The following LRIF1 variants were observed in gnomAD, a reference collection of about 807,000 sequenced individuals.
The protein encoded by LRIF1 is ligand dependent nuclear receptor interacting factor 1.
A neutral mutation model predicts 52.7 loss-of-function variants in LRIF1; 32 were observed. That is an observed-to-expected ratio of 0.61 (90% CI 0.46 to 0.82). The LOEUF is 0.82. Among genes scored for constraint, LRIF1 ranks in the 40% least tolerant of loss-of-function variants. The pLI is 0.00. For synonymous variants in LRIF1, 323 were observed against 317.4 expected, an observed-to-expected ratio of 1.02 and a Z score of -0.19; for missense variants, 887 against 892.0, an observed-to-expected ratio of 0.99 and a Z score of 0.07.
chr1:110,935,665 A>C, the LRIF1 span, among the ~76,000 whole-genome samples: 1 of 152,230 alleles, frequency 6.6e-6, no homozygotes, highest in African/African-American at 2.4e-5. Context: ...GAGATAAAAA[A>C]GAATAAAAAA....
chr1:110,888,173 T>C, the LRIF1 span, among the ~76,000 whole-genome samples: 2 of 152,196 alleles, frequency 1.3e-5, no homozygotes, highest in African/African-American at 4.8e-5. Flanking sequence ...ACAACCTGAA[T>C]GTATACTTCT....
intron 3 of LRIF1, 98 bp from the exon 4 acceptor site, chr1:110,948,497 T>A: frequency 6.9e-7 from 1 of 1,449,412 alleles, no homozygotes; most frequent in Non-Finnish European, 9.0e-7. Flanking sequence ...AACAAATATC[T>A]AGCTATTACA....
At chr1:110,905,362 G>A in the LRIF1 span, among the ~76,000 whole-genome samples, 5 of 151,596 alleles carry the variant, frequency 3.3e-5, no homozygotes, top group Non-Finnish European at 7.4e-5. Context: ...AAAGATCAAG[G>A]ACAAAGAAAG....
At chr1:110,893,311 T>C in the LRIF1 span, among the ~76,000 whole-genome samples, 3 of 152,196 alleles carry the variant, frequency 2.0e-5, no homozygotes, top group Non-Finnish European at 2.9e-5. Flanking sequence ...GGTTTTTTGT[T>C]TTGTTTTTTT....
rs1203130270 is a variant in LRIF1, at chr1:110,948,014, A to T, written c.2255T>A (p.Leu752Gln). 6.2e-7 allele frequency: 1 copy of T among 1,608,032 alleles called. No individual in the cohort carries two copies. The highest frequency in any genetic ancestry group is 1.3e-5 in the African/African-American group (1 of 74,342). ...DEKIRRLKQV[L>Q]REKEAALEEM... Reference sequence around the variant, plus strand: ...TTCAAGAGCTGCTTCTTTCTCTCTCAGCACCTGCTTAAGTCTTCTTATTTT... The same window carrying T: ...TTCAAGAGCTGCTTCTTTCTCTCTCTGCACCTGCTTAAGTCTTCTTATTTT... The change falls in exon 4 of 4, where the codon CTG becomes CAG. Residue 752 changes from leucine to glutamine, a missense_variant. By Grantham distance (113) the Leu-to-Gln change is moderately radical (BLOSUM62 -2). Coordinates refer to ENST00000369763, the MANE Select transcript of LRIF1 (RefSeq NM_018372.4).
At chr1:110,963,105 TTCTC>T (rs902422248) in intron 1 of LRIF1, among the ~76,000 whole-genome samples, 1 of 152,258 alleles carries the variant, frequency 6.6e-6, no homozygotes, top group Non-Finnish European at 1.5e-5. Context: ...CCAGTCTTAC[TTCTC>T]TCTCTTCACA....
the LRIF1 span, among the ~76,000 whole-genome samples, chr1:110,925,946 A>G: frequency 2.0e-5 from 3 of 152,168 alleles, no homozygotes; most frequent in Non-Finnish European, 1.5e-5. Flanking sequence ...ATAAAAGAAT[A>G]AATCTAATAA....
chr1:110,909,903 A>G, the LRIF1 span, among the ~76,000 whole-genome samples: 1 of 152,112 alleles, frequency 6.6e-6, no homozygotes, highest in East Asian at 1.9e-4. Context: ...CTTATATCAG[A>G]CAAAACAGAC....
chr1:110,921,256 G>C, the LRIF1 span, among the ~76,000 whole-genome samples: 9 of 75,822 alleles, frequency 1.2e-4, no homozygotes, highest in Non-Finnish European at 3.5e-4. Flanking sequence ...CAATGCTTGG[G>C]TTACCAGTGA....
chr1:110,963,898 C>T lies in LRIF1; in HGVS notation c.-210G>A. On this transcript the variant is annotated 5_prime_UTR_variant, in exon 1 of 4. Coordinates refer to ENST00000369763, the MANE Select transcript of LRIF1 (RefSeq NM_018372.4). ...ACGAGGTCGCGCACCGCGCAGAAACCGGAAGGCTCCTGGCGGTGGACTGCG... is the reference window on the plus strand; with the variant it reads ...ACGAGGTCGCGCACCGCGCAGAAACTGGAAGGCTCCTGGCGGTGGACTGCG... The T allele has an allele frequency of 2.3e-6, 1 of 435,058 alleles. No individual in the cohort carries two copies. Among genetic ancestry groups the T allele is most frequent in the African/African-American group, 2.0e-5 (1 of 50,858 alleles). 26.9% of individuals were successfully genotyped at this position (435,058 alleles called of 1,614,324 possible). A position where few individuals can be genotyped will look rare whatever the true frequency, so the allele number is the denominator to read the frequency against.
the LRIF1 span, among the ~76,000 whole-genome samples, chr1:110,902,962 G>A: frequency 6.6e-6 from 1 of 152,094 alleles, no homozygotes; most frequent in Non-Finnish European, 1.5e-5. Flanking sequence ...TCTGGGTGCC[G>A]GGGGAGGGAG....
At chr1:110,899,751 A>G in the LRIF1 span, 1 of 154,738 alleles carries the variant, frequency 6.5e-6, no homozygotes, top group African/African-American at 2.4e-5. Context: ...GGCCTTATTG[A>G]TGTGTTCTAA....
intron 1 of LRIF1, among the ~76,000 whole-genome samples, chr1:110,958,786 T>A (rs1658825851): frequency 6.6e-6 from 1 of 152,206 alleles, no homozygotes; most frequent in African/African-American, 2.4e-5. Context: ...ATCTATATAC[T>A]CCGCATCTAA....
the LRIF1 span, among the ~76,000 whole-genome samples, chr1:110,880,684 C>T: frequency 6.6e-6 from 1 of 152,168 alleles, no homozygotes; most frequent in African/African-American, 2.4e-5. Flanking sequence ...GTGTCATGTT[C>T]ATTCCACTAC....
At chr1:110,949,086 CGT>C (rs371436452) in intron 3 of LRIF1, among the ~76,000 whole-genome samples, 9 of 150,518 alleles carry the variant, frequency 6.0e-5, no homozygotes, top group East Asian at 1.9e-4. Flanking sequence ...TTTACCTGTG[CGT>C]GTGTGTGTGT....
At chr1:110,963,034 C>T (rs1659027182) in intron 1 of LRIF1, among the ~76,000 whole-genome samples, 1 of 152,160 alleles carries the variant, frequency 6.6e-6, no homozygotes, top group Admixed American at 6.5e-5. Context: ...TGAAATGGCA[C>T]TTCATTACAC....
In LRIF1 at chr1:110,952,103, C is replaced by G; in HGVS notation, c.781G>C (p.Val261Leu). Residue 261 changes from valine (V) to leucine (L), a missense_variant, in exon 2 of 4, where the codon GTA (valine) becomes CTA (leucine). Transcript: ENST00000369763. ...GGAATTTGTGTGGTATTTAGTATTACTGGCTTTGCTATTTCTGTAACAGGT... is the reference window on the plus strand; with the variant it reads ...GGAATTTGTGTGGTATTTAGTATTAGTGGCTTTGCTATTTCTGTAACAGGT... ...PKPVTEIAKP[V>L]ILNTTQIPKN... The G allele has an allele frequency of 1.2e-6, 2 of 1,614,164 alleles. No homozygotes were observed. The highest frequency in any genetic ancestry group is 1.7e-6 in the Non-Finnish European group (2 of 1,180,012).
the LRIF1 span, among the ~76,000 whole-genome samples, chr1:110,875,897 C>G: frequency 3.3e-5 from 5 of 152,202 alleles, no homozygotes; most frequent in African/African-American, 1.2e-4. Flanking sequence ...CCAGGAATCT[C>G]TATACTGAGA....
In LRIF1 at chr1:110,952,263, T is replaced by C. The variant is rs780616711; in HGVS notation, c.621A>G (p.Gln207=). The C allele has an allele frequency of 4.3e-6, 7 of 1,614,082 alleles. No individual in the cohort carries two copies. Among genetic ancestry groups the C allele is most frequent in the Non-Finnish European group, 5.1e-6 (6 of 1,180,032 alleles). Residue 207 remains glutamine (Q), a synonymous_variant, in exon 2 of 4, where the codon CAA becomes CAG. Transcript: ENST00000369763. ...PASSLPPSVQ[Q]KILATATTST... is the part of the protein sequence containing the mutation. ...TGGTGGTGGCAGTTGCAAGTATCTT[T>C]TGCTGCACTGAAGGAGGCAATGATG...
Sources: gnomAD v4.1 joint callset for allele counts (sites outside exome capture counted in the v4.1 genomes callset) on GRCh38, gnomAD v4.1.1 for gene constraint, MANE v1.5 for transcripts, NCBI Gene and HGNC (gene_info 2026-07-23, HGNC 2026-07-21) for gene names.